The following EIF2D variants were observed in gnomAD, a reference collection of about 807,000 sequenced individuals.
The protein encoded by EIF2D is hepatocellular carcinoma-associated antigen 56.
A neutral mutation model predicts 77.4 loss-of-function variants in EIF2D; 56 were observed. The observed-to-expected ratio is 0.72, with a 90% confidence interval of 0.58 to 0.90. The LOEUF (loss-of-function observed/expected upper bound fraction) is 0.90, where lower values mean the gene tolerates loss of function less well. Among genes scored for constraint, EIF2D ranks in the 40% least tolerant of loss-of-function variants. The pLI is 0.00. For synonymous variants in EIF2D, 230 were observed against 271.0 expected (o/e 0.85, Z 1.49); for missense variants, 574 against 706.5 (o/e 0.81, Z 2.13).
downstream of EIF2D, chr1:206,587,251 T>G: frequency 2.4e-6 from 1 of 411,886 alleles, no homozygotes; most frequent in Non-Finnish European, 4.5e-6. Context: ...CTGCAAGCCT[T>G]TCACCAACCA....
intron 2 of EIF2D, 100 bp downstream of exon 2, chr1:206,611,084 G>A: frequency 8.6e-7 from 1 of 1,156,348 alleles, no homozygotes; most frequent in Admixed American, 2.5e-5. Flanking sequence ...GAGATTTCGT[G>A]CTTGCTTATT....
Position 206,611,171 on chromosome 1 carries a change from C to A in EIF2D, c.247+13G>T, listed in dbSNP as rs1553413882. ...ACCTAATGGTAATGGCCATCTTCGTCCTGTTGTCATACCTGTTGGATACAG... is the reference window on the plus strand; with the variant it reads ...ACCTAATGGTAATGGCCATCTTCGTACTGTTGTCATACCTGTTGGATACAG... On this transcript the variant is annotated intron_variant, in intron 2 of 14. Coordinates refer to ENST00000271764, the MANE Select transcript of EIF2D (RefSeq NM_006893.3). 6.2e-7 allele frequency: 1 copy of A among 1,603,378 alleles called. No individual in the cohort carries two copies. The highest frequency in any genetic ancestry group is 2.2e-5 in the East Asian group (1 of 44,594).
At chr1:206,602,186 C>CTAA (rs1553411401) in intron 7 of EIF2D, 150 bp downstream of exon 7, 2 of 589,168 alleles carry the variant, frequency 3.4e-6, no homozygotes, top group Non-Finnish European at 6.0e-6. Flanking sequence ...AACCCAGGAA[C>CTAA]TAATGTATTT....
intron 11 of EIF2D, among the ~76,000 whole-genome samples, chr1:206,598,341 A>G (rs1304419124): frequency 6.6e-6 from 1 of 152,222 alleles, no homozygotes; most frequent in East Asian, 1.9e-4. Flanking sequence ...TCCGGCCATT[A>G]AAGTAAAAAA....
In EIF2D at chr1:206,599,404, G is replaced by A; in HGVS notation, c.1202+59C>T. The stretch of plus-strand genomic sequence containing the variant: ...CGCAAAAGAGCACTACTCAGGTTGA[G>A]AGGAACTGTAGGCCAGAACACCAAG... On this transcript the variant is annotated intron_variant, in intron 10 of 14. Coordinates refer to ENST00000271764, the MANE Select transcript of EIF2D (RefSeq NM_006893.3). This position sits in a 1 kb window ranked among gnomAD's most constrained non-coding sequence, Gnocchi z 4.1. 3 of 1,595,680 alleles carry A rather than the reference G, an allele frequency of 1.9e-6. No individual in the cohort carries two copies. Among genetic ancestry groups the A allele is most frequent in the Middle Eastern group, 2.1e-4 (1 of 4,852 alleles).
downstream of EIF2D, chr1:206,587,109 G>A (rs947732834): frequency 9.6e-5 from 113 of 1,174,468 alleles, no homozygotes; most frequent in Admixed American, 2.2e-3. Context: ...TTCCAGCTGT[G>A]GCAAAAGTCT....
chr1:206,600,403 C>G, intron 7 of EIF2D, 95 bp from the exon 8 acceptor site: 1 of 1,163,848 alleles, frequency 8.6e-7, no homozygotes, highest in Non-Finnish European at 1.3e-6. Flanking sequence ...CAGCCTTCCT[C>G]CCCCACCTTC....
intron 13 of EIF2D, chr1:206,594,746 C>T (rs979411654): frequency 1.4e-4 from 21 of 152,270 alleles, no homozygotes; most frequent in African/African-American, 5.1e-4. Flanking sequence ...AAAAAATTCA[C>T]TATTTTATGA....
In EIF2D at chr1:206,593,703, C is replaced by T. The variant is rs782147752; in HGVS notation, c.1600G>A (p.Val534Ile). Residue 534 changes from valine (V) to isoleucine (I), a missense_variant, in exon 14 of 15, where the codon GTC becomes ATC. Transcript: ENST00000271764. ...TCCTTGGCCCCAGGGGCAGGATTGACGGTGGTGCTAGCCTGGCATCGCTGC... is the reference window on the plus strand; with the variant it reads ...TCCTTGGCCCCAGGGGCAGGATTGATGGTGGTGCTAGCCTGGCATCGCTGC... ...LQQRCQASTT[V>I]NPAPGAKDSL... is the part of the protein sequence containing the mutation. 17 of 1,613,810 alleles carry T rather than the reference C, an allele frequency of 1.1e-5. No homozygotes were observed. The highest frequency in any genetic ancestry group is 6.7e-5 in the East Asian group (3 of 44,892).
At chr1:206,583,672 C>CG in intron 2 of EIF2D, 1 of 379,150 alleles carries the variant, frequency 2.6e-6, no homozygotes, top group South Asian at 2.3e-5. Context: ...ACGTAATGAC[C>CG]AAGGGCCCAG....
rs782018985 is a variant in EIF2D at position 206,599,876 on chromosome 1, T to G, written c.949-40A>C. On this transcript the variant is annotated intron_variant, in intron 8 of 14. Transcript: ENST00000271764. The surrounding 1 kb of genome is among the most constrained non-coding windows in gnomAD (Gnocchi z 4.1). ...GCCAGTGGTAGGGGACTTCATTGAT[T>G]CCACACACATACTGAGCACCCAGGA... 1 of 1,584,912 alleles carries G rather than the reference T, an allele frequency of 6.3e-7. No homozygotes were observed. The highest frequency in any genetic ancestry group is 8.7e-7 in the Non-Finnish European group (1 of 1,155,248).
chr1:206,570,295 T>C (rs1194616404), downstream of EIF2D, among the ~76,000 whole-genome samples: 1 of 152,030 alleles, frequency 6.6e-6, no homozygotes, highest in Non-Finnish European at 1.5e-5. Context: ...GGTTTCACCA[T>C]GTTGGTCAGG....
At position 206,595,956 on chromosome 1, in the gene EIF2D, C is replaced by T. The variant is rs1669625968; in HGVS notation, c.1389-118G>A. 1.1e-5 allele frequency: 15 copies of T among 1,393,458 alleles called. No homozygotes were observed. The South Asian group carries it at 1.8e-4, about 17-fold the overall frequency. 86.3% of individuals were successfully genotyped at this position (1,393,458 alleles called of 1,614,324 possible). On this transcript the variant is annotated intron_variant, in intron 12 of 14. Coordinates refer to ENST00000271764, the MANE Select transcript of EIF2D (RefSeq NM_006893.3). ...AATTGCAGGTCCACAACCTTGGCTG[C>T]ACATTAGAATCATTCAAATCCCTAG...
rs201825775 is a variant in EIF2D, at chr1:206,611,169, G to A, written c.247+15C>T. On this transcript the variant is annotated intron_variant, in intron 2 of 14. Transcript: ENST00000271764. ...CTACCTAATGGTAATGGCCATCTTC[G>A]TCCTGTTGTCATACCTGTTGGATAC... is the stretch of plus-strand genomic sequence containing the variant. 48 of 1,602,088 alleles carry A rather than the reference G, an allele frequency of 3.0e-5. No individual in the cohort carries two copies. The African/African-American group carries it at 3.7e-4, about 13-fold the overall frequency.
intron 12 of EIF2D, among the ~76,000 whole-genome samples, chr1:206,596,509 G>A (rs553933696): frequency 5.3e-5 from 8 of 152,272 alleles, no homozygotes; most frequent in Admixed American, 2.0e-4. Context: ...TGACCCATGG[G>A]CTGTAGTTTG....
intron 2 of EIF2D, among the ~76,000 whole-genome samples, chr1:206,610,103 G>A (rs1441167344): frequency 6.6e-6 from 1 of 152,200 alleles, no homozygotes; most frequent in African/African-American, 2.4e-5. Flanking sequence ...AAATCCCTGT[G>A]AGACCTATGG....
rs782599974 is a variant in EIF2D, at chr1:206,599,662, A to T, written c.1053-50T>A. 1.2e-6 allele frequency: 2 copies of T among 1,603,254 alleles called. No individual in the cohort carries two copies. The highest frequency in any genetic ancestry group is 1.7e-6 in the Non-Finnish European group (2 of 1,172,180). Reference sequence around the variant, plus strand: ...AAAACACATTTTATACTAGCATCTCAGCAATCCCCAGTCCGTGGCCCAGGT... The same window carrying T: ...AAAACACATTTTATACTAGCATCTCTGCAATCCCCAGTCCGTGGCCCAGGT... On this transcript the variant is annotated intron_variant, in intron 9 of 14. Coordinates refer to ENST00000271764, the MANE Select transcript of EIF2D (RefSeq NM_006893.3). This position sits in a 1 kb window ranked among gnomAD's most constrained non-coding sequence, Gnocchi z 4.1.
chr1:206,612,177 C>T, intron 1 of EIF2D, 110 bp downstream of exon 1: 1 of 1,481,632 alleles, frequency 6.7e-7, no homozygotes, highest in Non-Finnish European at 9.4e-7. Flanking sequence ...TGGCATACCC[C>T]TCGGCCTCCA....
chr1:206,585,342 G>A (rs1553407407), intron 2 of EIF2D: 3 of 1,318,930 alleles, frequency 2.3e-6, no homozygotes, highest in South Asian at 1.2e-5. Flanking sequence ...GGCACCCTGG[G>A]TGGGTGCAGG....
Sources: gnomAD v4.1 joint callset for allele counts (sites outside exome capture counted in the v4.1 genomes callset) on GRCh38, gnomAD v4.1.1 for gene constraint, Gnocchi (gnomAD v3.1) non-coding constraint, MANE v1.5 for transcripts, NCBI Gene and HGNC (gene_info 2026-07-23, HGNC 2026-07-21) for gene names.